Variants in SWAP70 observed in about 807,000 individuals in gnomAD.
SWAP70 encodes the protein switching B cell complex subunit SWAP70.
Under a neutral mutation model 80.2 loss-of-function variants are expected in SWAP70, and 34 were observed. That is an observed-to-expected ratio of 0.42 (90% CI 0.32 to 0.56). SWAP70 has a LOEUF of 0.56. Ranked by LOEUF, SWAP70 falls within the 20% of genes least tolerant of loss-of-function variation. The probability of loss-of-function intolerance (pLI) is 0.09; values close to 1 mark genes in which losing one functional copy is unlikely to be tolerated. For synonymous variants in SWAP70, 239 were observed against 238.5 expected (o/e 1.00, Z -0.02); for missense variants, 578 against 690.7 (o/e 0.84, Z 1.83).
intron 1 of SWAP70, among the ~76,000 whole-genome samples, chr11:9,678,543 CTTTTTTT>C (rs72123125): frequency 0.14 from 10,457 of 77,192 alleles, 836 homozygotes; most frequent in African/African-American, 0.28. Flanking sequence ...CTCTGAGGTG[CTTTTTTT>C]TTTTTTTTTT....
At chr11:9,687,916 G>A (rs1450380036) in intron 1 of SWAP70, among the ~76,000 whole-genome samples, 2 of 152,162 alleles carry the variant, frequency 1.3e-5, no homozygotes, top group Non-Finnish European at 2.9e-5. Context: ...AATCCATAAA[G>A]ATTTCCTAGA....
chr11:9,750,053 G>C lies in SWAP70; in HGVS notation c.*83G>C. On this transcript the variant is annotated 3_prime_UTR_variant, in exon 12 of 12. Transcript: ENST00000318950. The stretch of plus-strand genomic sequence containing the variant: ...CGCTAAAGACAAAAGAAACAGCTTT[G>C]GGGGCCGGGCGTGGTGGCTCACGCC... 1 of 1,021,420 alleles carries C rather than the reference G, an allele frequency of 9.8e-7. No homozygotes were observed. Among genetic ancestry groups the C allele is most frequent in the South Asian group, 1.4e-5 (1 of 73,538 alleles). The allele number at this position is 1,021,420 out of a possible 1,614,324, so 63.3% of individuals were successfully genotyped here.
intron 3 of SWAP70, among the ~76,000 whole-genome samples, chr11:9,716,099 G>T (rs929075505): frequency 6.6e-6 from 1 of 152,202 alleles, no homozygotes; most frequent in East Asian, 1.9e-4. Flanking sequence ...TTTCTTACTG[G>T]AACATGATGG....
chr11:9,722,782 A>G (rs1252113567), intron 3 of SWAP70, among the ~76,000 whole-genome samples: 1 of 152,252 alleles, frequency 6.6e-6, no homozygotes, highest in Admixed American at 6.5e-5. Flanking sequence ...GGCAAACTAC[A>G]GCTTGCTGGC....
intron 8 of SWAP70, among the ~76,000 whole-genome samples, chr11:9,738,713 TAGCC>T (rs1269520570): frequency 6.9e-6 from 1 of 144,762 alleles, no homozygotes; most frequent in Non-Finnish European, 1.5e-5. Flanking sequence ...AAAAAAGAAT[TAGCC>T]AGGCCTGTTG....
intron 7 of SWAP70, 70 bp downstream of exon 7, chr11:9,732,780 G>A: frequency 7.1e-7 from 1 of 1,413,072 alleles, no homozygotes. Flanking sequence ...CTTGCTTAGG[G>A]GTGTTGGTTC....
chr11:9,672,065 TA>T (rs1216793811), intron 1 of SWAP70, among the ~76,000 whole-genome samples: 38 of 126,438 alleles, frequency 3.0e-4, no homozygotes, highest in African/African-American at 5.4e-4. Flanking sequence ...TTTTATAGTA[TA>T]AAATATATAA....
chr11:9,687,531 A>C (rs886417101), intron 1 of SWAP70, among the ~76,000 whole-genome samples: 1 of 152,080 alleles, frequency 6.6e-6, no homozygotes, highest in Non-Finnish European at 1.5e-5. Context: ...TCTGTGGTCA[A>C]ATTTACCAGT....
At chr11:9,731,395 G>C (rs1026995250) in intron 6 of SWAP70, among the ~76,000 whole-genome samples, 1 of 152,186 alleles carries the variant, frequency 6.6e-6, no homozygotes, top group Non-Finnish European at 1.5e-5. Flanking sequence ...CTCTTCTGTG[G>C]AGTGGGGATA....
chr11:9,735,857 C>T (rs1019059450), intron 7 of SWAP70, among the ~76,000 whole-genome samples: 1 of 152,040 alleles, frequency 6.6e-6, no homozygotes, highest in Non-Finnish European at 1.5e-5. Context: ...GGGTGTAGAT[C>T]TCTTTGTGTT....
Position 9,738,267 on chromosome 11 carries a change from A to G in SWAP70, c.1135A>G (p.Thr379Ala), listed in dbSNP as rs371567638. Residue 379 changes from threonine to alanine, a missense_variant, in exon 8 of 12, where the codon ACT becomes GCT. Transcript: ENST00000318950. ...AAEEEKKRLQ[T>A]QVELQARFST... ...AGAAGAGGAAAAGAAACGCCTTCAGACTCAAGTGGAACTTCAGGCCAGGTT... is the reference window on the plus strand; with the variant it reads ...AGAAGAGGAAAAGAAACGCCTTCAGGCTCAAGTGGAACTTCAGGCCAGGTT... 1.2e-6 allele frequency: 2 copies of G among 1,611,800 alleles called. No individual in the cohort carries two copies. Among genetic ancestry groups the G allele is most frequent in the Non-Finnish European group, 1.7e-6 (2 of 1,178,936 alleles).
chr11:9,688,960 CCATTGGCTTGAAATTTTATAAATCAGA>C (rs1280839263), intron 1 of SWAP70, among the ~76,000 whole-genome samples: 2 of 151,904 alleles, frequency 1.3e-5, no homozygotes, highest in African/African-American at 2.4e-5. Flanking sequence ...TGGTAATTTG[CCATTGGCTTGAAATTTTATAAATCAGA>C]CAGGAATTTT....
intron 4 of SWAP70, chr11:9,727,024 C>T: frequency 1.3e-5 from 6 of 452,640 alleles, no homozygotes; most frequent in South Asian, 9.3e-5. Flanking sequence ...CAAGCTTTAG[C>T]ATTTTCATTG....
At chr11:9,731,574 T>C (rs1189489281) in intron 6 of SWAP70, among the ~76,000 whole-genome samples, 1 of 152,228 alleles carries the variant, frequency 6.6e-6, no homozygotes, top group Non-Finnish European at 1.5e-5. Flanking sequence ...TACCATGCAG[T>C]ACTTCATGTA....
At chr11:9,722,881 A>G (rs1299204420) in intron 3 of SWAP70, among the ~76,000 whole-genome samples, 1 of 152,234 alleles carries the variant, frequency 6.6e-6, no homozygotes, top group African/African-American at 2.4e-5. Flanking sequence ...AACAAAATCA[A>G]GGAAGAACAC....
At chr11:9,713,236 G>A (rs961551826) in intron 2 of SWAP70, among the ~76,000 whole-genome samples, 1 of 152,210 alleles carries the variant, frequency 6.6e-6, no homozygotes, top group Non-Finnish European at 1.5e-5. Flanking sequence ...AGTATTTTAT[G>A]TGCCAAGGGA....
chr11:9,671,114 AATAT>A (rs1244891427), intron 1 of SWAP70, among the ~76,000 whole-genome samples: 3 of 136,164 alleles, frequency 2.2e-5, no homozygotes, highest in African/African-American at 8.5e-5. Context: ...TAAATATAAA[AATAT>A]ATATAAATAT....
rs1354338966 is a variant in SWAP70 at position 9,752,316 on chromosome 11, A to C, written c.*2346A>C. Reference sequence around the variant, plus strand: ...CTAGCCCTGGGTTCTTGGAGACCTCACACTGCCTGGCCCCTGGCCATCCAC... The same window carrying C: ...CTAGCCCTGGGTTCTTGGAGACCTCCCACTGCCTGGCCCCTGGCCATCCAC... On this transcript the variant is annotated 3_prime_UTR_variant, in exon 12 of 12. Transcript: ENST00000318950. 1.3e-5 allele frequency: 2 copies of C among 152,278 alleles called. No homozygotes were observed. Among genetic ancestry groups the C allele is most frequent in the African/African-American group, 4.8e-5 (2 of 41,464 alleles). 9.4% of individuals were successfully genotyped at this position (152,278 alleles called of 1,614,324 possible).
intron 3 of SWAP70, among the ~76,000 whole-genome samples, chr11:9,722,626 G>C (rs1257855659): frequency 6.6e-6 from 1 of 152,162 alleles, no homozygotes; most frequent in Non-Finnish European, 1.5e-5. Context: ...ATATTCTAGA[G>C]GATGTAGGAC....
Sources: gnomAD v4.1 joint callset for allele counts (sites outside exome capture counted in the v4.1 genomes callset) on GRCh38, gnomAD v4.1.1 for gene constraint, MANE v1.5 for transcripts, NCBI Gene and HGNC (gene_info 2026-07-23, HGNC 2026-07-21) for gene names.